The following WIPI2 variants were observed in gnomAD, a reference collection of about 807,000 sequenced individuals.
WIPI2 encodes WD repeat domain, phosphoinositide interacting 2.
In WIPI2, 28 loss-of-function variants were observed where a neutral mutation model predicts 52.3. The ratio of observed to expected loss-of-function variants is 0.54; its 90% CI spans 0.40 to 0.73. WIPI2 has a LOEUF of 0.73. WIPI2 is among the 30% of genes least tolerant of loss of function. The pLI is 0.00. For synonymous variants in WIPI2, 268 were observed against 245.0 expected (o/e 1.09, Z -0.88); for missense variants, 506 against 602.9 (o/e 0.84, Z 1.68).
At chr7:5,226,162 C>T (rs191381887) in intron 9 of WIPI2, 16 of 519,570 alleles carry the variant, frequency 3.1e-5, no homozygotes, top group African/African-American at 2.1e-4. Context: ...ACAGAGCCCT[C>T]GCGTAGGGCA....
Position 5,232,415 on chromosome 7 carries a change from C to T in WIPI2, c.*1468C>T, listed in dbSNP as rs902510261. The T allele has an allele frequency of 1.0e-5, 4 of 397,930 alleles. No homozygotes were observed. The highest frequency in any genetic ancestry group is 2.1e-5 in the African/African-American group (1 of 48,654). 24.6% of individuals were successfully genotyped at this position (397,930 alleles called of 1,614,324 possible). A position where few individuals can be genotyped will look rare whatever the true frequency, so the allele number is the denominator to read the frequency against. On this transcript the variant is annotated 3_prime_UTR_variant, in exon 13 of 13. Coordinates refer to ENST00000288828, the MANE Select transcript of WIPI2 (RefSeq NM_015610.4). The stretch of plus-strand genomic sequence containing the variant: ...GGGACGCTGGAGTCCGACTCACCTA[C>T]ACCGGCTTCCTCCCAGCCGCTGGTG...
chr7:5,223,857 G>A (rs941423516), intron 8 of WIPI2, among the ~76,000 whole-genome samples: 4 of 152,162 alleles, frequency 2.6e-5, no homozygotes, highest in South Asian at 2.1e-4. Flanking sequence ...GCATCCTTCC[G>A]CCTGAATGGT....
chr7:5,225,900 A>G lies in WIPI2; in HGVS notation c.818A>G (p.His273Arg). Reference sequence around the variant, plus strand: ...GCCTCCAGCAACACTGAGACCGTGCACATCTTCAAACTCGAGACTGTGAAA... The same window carrying G: ...GCCTCCAGCAACACTGAGACCGTGCGCATCTTCAAACTCGAGACTGTGAAA... ...LSASSNTETVHIFKLETVKEK... is the reference protein window; with the variant it reads ...LSASSNTETVRIFKLETVKEK... The change falls in exon 9 of 13, where the codon CAC (histidine) becomes CGC (arginine). Residue 273 changes from histidine (H) to arginine (R), a missense_variant. Coordinates refer to ENST00000288828, the MANE Select transcript of WIPI2 (RefSeq NM_015610.4). 6.2e-7 allele frequency: 1 copy of G among 1,613,978 alleles called. No individual in the cohort carries two copies. Among genetic ancestry groups the G allele is most frequent in the Non-Finnish European group, 8.5e-7 (1 of 1,179,994 alleles).
rs1450725693 is a variant in WIPI2 at position 5,224,762 on chromosome 7, G to A, written c.741-1061G>A. 2.0e-5 allele frequency among the ~76,000 whole-genome samples: 3 copies of A among 152,290 alleles called. No homozygotes were observed. The East Asian group carries it at 5.8e-4, about 29-fold the overall frequency. On this transcript the variant is annotated intron_variant, in intron 8 of 12. Coordinates refer to ENST00000288828, the MANE Select transcript of WIPI2 (RefSeq NM_015610.4). ...GTGCAGGGTCTGCAAAATACCATAA[G>A]CAAACTTTCTCCCAAAGTTAATTCA...
rs1208530916 is a variant in WIPI2, at chr7:5,233,157, G to C, written c.*2210G>C. ...GAGGGAGGAGGACTGCAGATTCTTG[G>C]TCGAGAAGAATGAAGAGGATTTCTG... On this transcript the variant is annotated 3_prime_UTR_variant, in exon 13 of 13. Coordinates refer to ENST00000288828, the MANE Select transcript of WIPI2 (RefSeq NM_015610.4). 6.6e-6 allele frequency: 1 copy of C among 152,310 alleles called. No homozygotes were observed. Among genetic ancestry groups the C allele is most frequent in the Non-Finnish European group, 1.5e-5 (1 of 68,108 alleles). The allele number at this position is 152,310 out of a possible 1,614,324, so 9.4% of individuals were successfully genotyped here.
intron 7 of WIPI2, chr7:5,219,076 C>G (rs987601847): frequency 6.6e-6 from 1 of 152,206 alleles, no homozygotes; most frequent in Non-Finnish European, 1.5e-5. Flanking sequence ...CACCCGAGTT[C>G]TGTAATAATG....
intron 9 of WIPI2, chr7:5,226,942 G>A (rs1783463847): frequency 3.7e-6 from 2 of 534,514 alleles, no homozygotes; most frequent in East Asian, 3.2e-5. Flanking sequence ...CTTGTCCGTG[G>A]CCAAAGGCTG....
chr7:5,209,878 A>G (rs746798609), intron 3 of WIPI2, among the ~76,000 whole-genome samples: 4 of 151,376 alleles, frequency 2.6e-5, no homozygotes. Flanking sequence ...CCATATTTCT[A>G]CTTCTCCAGA....
rs931466513 is a variant in WIPI2, at chr7:5,227,597, G to A, written c.1013+253G>A. ...CTGCGGTATTAATGAAAGACGTTAA[G>A]TCAAACCTCGTGAGTGTGCCGTAGT... On this transcript the variant is annotated intron_variant, in intron 10 of 12. Coordinates refer to ENST00000288828, the MANE Select transcript of WIPI2 (RefSeq NM_015610.4). This position sits in a 1 kb window ranked among gnomAD's most constrained non-coding sequence, Gnocchi z 8.1. Among the ~76,000 whole-genome samples, 2 of 152,212 alleles carry A rather than the reference G, an allele frequency of 1.3e-5. No homozygotes were observed. The highest frequency in any genetic ancestry group is 2.9e-5 in the Non-Finnish European group (2 of 68,036).
intron 7 of WIPI2, among the ~76,000 whole-genome samples, chr7:5,221,969 C>CG: frequency 6.7e-6 from 1 of 149,186 alleles, no homozygotes; most frequent in Admixed American, 6.7e-5. Context: ...TTTTTTTCCC[C>CG]CCCCGAGATG....
intron 6 of WIPI2, chr7:5,217,620 A>T (rs1453028156): frequency 6.8e-6 from 3 of 439,182 alleles, no homozygotes; most frequent in Non-Finnish European, 1.3e-5. Context: ...TCAGTAGCAG[A>T]GTAGGTCTGG....
At chr7:5,223,234 C>A (rs1012709969) in intron 8 of WIPI2, among the ~76,000 whole-genome samples, 2 of 152,160 alleles carry the variant, frequency 1.3e-5, no homozygotes, top group Admixed American at 6.5e-5. Flanking sequence ...GGGGAGGCCT[C>A]GGGCTCTGGA....
chr7:5,224,798 G>A (rs1421133556), intron 8 of WIPI2, among the ~76,000 whole-genome samples: 1 of 152,150 alleles, frequency 6.6e-6, no homozygotes, highest in Non-Finnish European at 1.5e-5. Flanking sequence ...GCCTATGCCC[G>A]GGGAGGAACA....
chr7:5,214,843 A>G (rs1002249860), intron 4 of WIPI2, 139 bp downstream of exon 4: 3 of 964,958 alleles, frequency 3.1e-6, no homozygotes, highest in Non-Finnish European at 3.1e-6. Context: ...CCTTGCCTAC[A>G]GAGACCAGCT....
chr7:5,229,896 G>C (rs910396568), intron 12 of WIPI2, among the ~76,000 whole-genome samples, 158 bp downstream of exon 12: 5 of 151,694 alleles, frequency 3.3e-5, no homozygotes, highest in African/African-American at 1.2e-4. Context: ...GTGTTCCCAA[G>C]GCCTCTCTCA....
At chr7:5,204,028 T>C (rs1353635486) in intron 3 of WIPI2, among the ~76,000 whole-genome samples, 1 of 152,226 alleles carries the variant, frequency 6.6e-6, no homozygotes, top group African/African-American at 2.4e-5. Context: ...CTTTGCTTTC[T>C]TTTGATTATT....
At chr7:5,214,806 C>T (rs888351904) in intron 4 of WIPI2, 102 bp downstream of exon 4, 4 of 1,361,564 alleles carry the variant, frequency 2.9e-6, no homozygotes, top group Non-Finnish European at 4.1e-6. Flanking sequence ...TCCCTTGCTG[C>T]CTGGCCCCAC....
intron 4 of WIPI2, among the ~76,000 whole-genome samples, chr7:5,215,415 ACTGT>A (rs1451293055): frequency 1.3e-5 from 2 of 152,406 alleles, no homozygotes; most frequent in South Asian, 2.1e-4. Context: ...AACTAATAAG[ACTGT>A]CTGGCACAGA....
rs1374616900 is a variant in WIPI2, at chr7:5,216,553, T to C, written c.382-10T>C. ...GCTTCACGTTTGGTTTCGTTTTGTC[T>C]CTCGCCTAGAGGCTGATAGTATGCC... On this transcript the variant is annotated splice_polypyrimidine_tract_variant and intron_variant, in intron 4 of 12. Transcript: ENST00000288828. 1.9e-6 allele frequency: 3 copies of C among 1,613,808 alleles called. No homozygotes were observed. Among genetic ancestry groups the C allele is most frequent in the African/African-American group, 2.7e-5 (2 of 74,920 alleles).
Sources: allele counts gnomAD v4.1 joint callset (sites outside exome capture counted in the v4.1 genomes callset), GRCh38; gene constraint gnomAD v4.1.1; non-coding constraint Gnocchi (gnomAD v3.1); transcripts MANE v1.5; gene names NCBI Gene and HGNC (gene_info 2026-07-23, HGNC 2026-07-21).